Variants in DAG1 observed in about 807,000 individuals in gnomAD.
DAG1 encodes the protein dystroglycan 1.
In DAG1, 8 loss-of-function variants were observed where a neutral mutation model predicts 46.1. The ratio of observed to expected loss-of-function variants is 0.17; its 90% CI spans 0.10 to 0.31. The LOEUF (loss-of-function observed/expected upper bound fraction) is 0.31, where lower values mean the gene tolerates loss of function less well. Among genes scored for constraint, DAG1 ranks in the 10% least tolerant of loss-of-function variants. DAG1 has a pLI of 1.00. For synonymous variants in DAG1, 495 were observed against 481.8 expected (o/e 1.03, Z -0.36); for missense variants, 1,003 against 1,189.9 (o/e 0.84, Z 2.31).
upstream of DAG1, chr3:49,470,202 A>G (rs1451204578): frequency 6.6e-6 from 1 of 151,454 alleles, no homozygotes; most frequent in African/African-American, 2.4e-5. Flanking sequence ...TGGCTGCAAC[A>G]CTCGCGTGTC....
chr3:49,471,097 TCTC>T (rs1440605195), intron 1 of DAG1: 4 of 152,354 alleles, frequency 2.6e-5, no homozygotes, highest in Non-Finnish European at 5.9e-5. Context: ...CATCCTTTAA[TCTC>T]TATAACTTGA....
intron 1 of DAG1, among the ~76,000 whole-genome samples, chr3:49,497,180 T>C (rs2050335855): frequency 6.6e-6 from 1 of 151,670 alleles, no homozygotes; most frequent in South Asian, 2.1e-4. Flanking sequence ...TTCACACCTA[T>C]AATCCCAGCA....
intron 2 of DAG1, among the ~76,000 whole-genome samples, chr3:49,516,563 A>G (rs1317625097): frequency 1.3e-5 from 2 of 152,230 alleles, no homozygotes; most frequent in African/African-American, 4.8e-5. Flanking sequence ...CATTATTAGT[A>G]CAAACTCACT....
At chr3:49,472,632 C>A (rs1435906475) in intron 1 of DAG1, among the ~76,000 whole-genome samples, 2 of 151,974 alleles carry the variant, frequency 1.3e-5, no homozygotes, top group African/African-American at 4.8e-5. Flanking sequence ...ACGGTGAAAC[C>A]CCCTCTCTAC....
At chr3:49,469,516 G>A (rs556026576), upstream of DAG1, among the ~76,000 whole-genome samples, 2 of 152,294 alleles carry the variant, frequency 1.3e-5, no homozygotes, top group Non-Finnish European at 2.9e-5. Context: ...CTAGGAGTGA[G>A]TGACCAGCGC....
At chr3:49,504,033 AAT>A (rs2050528744) in intron 1 of DAG1, among the ~76,000 whole-genome samples, 1 of 152,124 alleles carries the variant, frequency 6.6e-6, no homozygotes, top group Non-Finnish European at 1.5e-5. Flanking sequence ...TATATAGTAC[AAT>A]ATATATCACA....
chr3:49,532,156 A>G lies in DAG1; in HGVS notation c.1645A>G (p.Lys549Glu). 3 of 1,614,234 alleles carry G rather than the reference A, an allele frequency of 1.9e-6. No homozygotes were observed. The highest frequency in any genetic ancestry group is 2.5e-6 in the Non-Finnish European group (3 of 1,180,042). The change falls in exon 3 of 3, where the codon AAG becomes GAG. Residue 549 changes from lysine (K) to glutamate (E), a missense_variant. Around this residue, in one of 3 missense-constraint regions of DAG1, gnomAD observed 755 missense variants for 854.1 expected, o/e 0.88. Transcript: ENST00000308775. The surrounding 1 kb of genome is among the most constrained non-coding windows in gnomAD (Gnocchi z 5.4). ...KLREQQLVGE[K>E]SWVQFNSNSQ... ...GCGGGAGCAGCAGCTGGTGGGCGAG[A>G]AGTCCTGGGTACAGTTCAACAGCAA...
intron 1 of DAG1, chr3:49,487,487 A>G (rs922866864): frequency 6.6e-6 from 1 of 152,112 alleles, no homozygotes; most frequent in African/African-American, 2.4e-5. Flanking sequence ...AGACTTGAGA[A>G]CCAAAGTTAC....
intron 2 of DAG1, among the ~76,000 whole-genome samples, chr3:49,527,320 C>T (rs1409634529): frequency 6.6e-6 from 1 of 150,988 alleles, no homozygotes; most frequent in Admixed American, 6.6e-5. Flanking sequence ...CTCAGGAGAT[C>T]GAGACCATCT....
chr3:49,532,922 T>C lies in DAG1; in HGVS notation c.2411T>C (p.Leu804Pro). The change falls in exon 3 of 3, where the codon CTG becomes CCG. Residue 804 changes from leucine to proline, a missense_variant. Physicochemically the swap from Leu to Pro is moderately conservative, Grantham distance 98. Coordinates refer to ENST00000308775, the MANE Select transcript of DAG1 (RefSeq NM_004393.6). The surrounding 1 kb of genome is among the most constrained non-coding windows in gnomAD (Gnocchi z 5.4). ...GTGCCTATCATCTTTGCAGACGAAC[T>C]GGACGACTCCAAGCCCCCACCCTCC... Reference protein sequence around the residue: ...KGVPIIFADELDDSKPPPSSS... With the variant: ...KGVPIIFADEPDDSKPPPSSS... The C allele has an allele frequency of 2.5e-6, 4 of 1,614,122 alleles. No individual in the cohort carries two copies. The highest frequency in any genetic ancestry group is 3.4e-6 in the Non-Finnish European group (4 of 1,180,008).
In DAG1 at chr3:49,532,941, A is replaced by C. The variant is rs1575414224; in HGVS notation, c.2430A>C (p.Pro810=). The C allele has an allele frequency of 1.2e-6, 2 of 1,613,320 alleles. No homozygotes were observed. Among genetic ancestry groups the C allele is most frequent in the Non-Finnish European group, 1.7e-6 (2 of 1,179,874 alleles). ...ACGAACTGGACGACTCCAAGCCCCC[A>C]CCCTCCTCCAGCATGCCACTCATTC... ...FADELDDSKP[P]PSSSMPLILQ... is the part of the protein sequence containing the mutation. The change falls in exon 3 of 3, where the codon CCA becomes CCC. Residue 810 remains proline (P), a synonymous_variant. Transcript: ENST00000308775. The surrounding 1 kb of genome is among the most constrained non-coding windows in gnomAD (Gnocchi z 5.4).
chr3:49,495,697 G>C (rs559445132), intron 1 of DAG1, among the ~76,000 whole-genome samples: 1 of 152,048 alleles, frequency 6.6e-6, no homozygotes, highest in Non-Finnish European at 1.5e-5. Flanking sequence ...TGAGGCGAGC[G>C]GATCACAATG....
chr3:49,495,758 A>G (rs2050294407), intron 1 of DAG1, among the ~76,000 whole-genome samples: 1 of 152,090 alleles, frequency 6.6e-6, no homozygotes, highest in Non-Finnish European at 1.5e-5. Flanking sequence ...TGTCTGTACT[A>G]CAAATACAAA....
intron 2 of DAG1, among the ~76,000 whole-genome samples, chr3:49,512,626 G>A (rs1459629060): frequency 1.3e-5 from 2 of 149,436 alleles, no homozygotes; most frequent in Admixed American, 1.3e-4. Flanking sequence ...TCCTTATCTC[G>A]GGTGATCTGT....
intron 2 of DAG1, among the ~76,000 whole-genome samples, chr3:49,514,571 A>G (rs1001587654): frequency 6.6e-6 from 1 of 152,040 alleles, no homozygotes; most frequent in Non-Finnish European, 1.5e-5. Context: ...CCCGGGTTCA[A>G]ATGATTCTCC....
At position 49,533,500 on chromosome 3, in the gene DAG1, G is replaced by A. The variant is rs2051429333; in HGVS notation, c.*301G>A. ...CTCTGAAAGCACCATGTGGAGTGGA[G>A]GTGGAGGGAGCGAGGAACCATGAAT... On this transcript the variant is annotated 3_prime_UTR_variant, in exon 3 of 3. Coordinates refer to ENST00000308775, the MANE Select transcript of DAG1 (RefSeq NM_004393.6). The A allele has an allele frequency of 1.7e-6, 1 of 588,920 alleles. No homozygotes were observed. Among genetic ancestry groups the A allele is most frequent in the African/African-American group, 1.8e-5 (1 of 54,350 alleles). 36.5% of individuals were successfully genotyped at this position (588,920 alleles called of 1,614,324 possible). A position where few individuals can be genotyped will look rare whatever the true frequency, so the allele number is the denominator to read the frequency against.
intron 2 of DAG1, among the ~76,000 whole-genome samples, chr3:49,512,418 GTCTC>G (rs910620335): frequency 2.7e-5 from 4 of 150,900 alleles, no homozygotes; most frequent in Non-Finnish European, 4.4e-5. Flanking sequence ...TTGAGATGAA[GTCTC>G]TCTCTGTCAC....
chr3:49,506,966 A>C (rs964846823), intron 1 of DAG1, among the ~76,000 whole-genome samples: 1 of 151,956 alleles, frequency 6.6e-6, no homozygotes, highest in African/African-American at 2.4e-5. Context: ...AAAATGAAAA[A>C]AAAAAAAGAA....
At chr3:49,504,939 T>C (rs1240772400) in intron 1 of DAG1, among the ~76,000 whole-genome samples, 1 of 148,214 alleles carries the variant, frequency 6.7e-6, no homozygotes, top group Non-Finnish European at 1.5e-5. Flanking sequence ...CATTGGTCTA[T>C]GTATCTGTCC....
Sources: gnomAD v4.1 joint callset for allele counts (sites outside exome capture counted in the v4.1 genomes callset) on GRCh38, gnomAD v4.1.1 for gene constraint, gnomAD v4.1.1 regional missense constraint, Gnocchi (gnomAD v3.1) non-coding constraint, MANE v1.5 for transcripts, NCBI Gene and HGNC (gene_info 2026-07-23, HGNC 2026-07-21) for gene names.